INPP4B: variants seen among roughly 807,000 people sequenced by gnomAD.
INPP4B encodes the protein inositol polyphosphate 4-phosphatase type II.
INPP4B carries 55 observed loss-of-function variants against 122.5 expected under a neutral mutation model. That is an observed-to-expected ratio of 0.45 (90% CI 0.36 to 0.56). INPP4B has a LOEUF of 0.56. Among genes scored for constraint, INPP4B ranks in the 20% least tolerant of loss-of-function variants. The pLI is 0.00. For synonymous variants in INPP4B, 403 were observed against 388.7 expected (o/e 1.04, Z -0.43); for missense variants, 1,000 against 1,097.7 (o/e 0.91, Z 1.26).
intron 25 of INPP4B, among the ~76,000 whole-genome samples, chr4:142,068,167 G>T (rs1764742889): frequency 6.6e-6 from 1 of 152,212 alleles, no homozygotes; most frequent in South Asian, 2.1e-4. Flanking sequence ...AGAGAGTGGG[G>T]GCCAATATTC....
intron 1 of INPP4B, among the ~76,000 whole-genome samples, chr4:142,842,730 A>T (rs1440313693): frequency 7.6e-6 from 1 of 131,938 alleles, no homozygotes; most frequent in Non-Finnish European, 1.6e-5. Flanking sequence ...AATATATTAT[A>T]ATATTAATAT....
At chr4:142,335,066 G>T (rs961615522) in intron 7 of INPP4B, among the ~76,000 whole-genome samples, 2 of 130,992 alleles carry the variant, frequency 1.5e-5, no homozygotes, top group African/African-American at 2.9e-5. Context: ...CTATAACTCA[G>T]CAGGCTGCTT....
chr4:142,627,446 A>G (rs2150403647), intron 2 of INPP4B, among the ~76,000 whole-genome samples: 1 of 143,192 alleles, frequency 7.0e-6, no homozygotes, highest in East Asian at 2.0e-4. Flanking sequence ...TAATTTATTG[A>G]GAGTTTTTAG....
intron 2 of INPP4B, among the ~76,000 whole-genome samples, chr4:142,557,364 G>GA (rs1729438096): frequency 2.0e-5 from 3 of 152,290 alleles, no homozygotes; most frequent in East Asian, 3.9e-4. Context: ...ATGAAAGTCA[G>GA]ACTCACTGTA....
At chr4:142,739,490 T>G (rs1436464106) in intron 1 of INPP4B, among the ~76,000 whole-genome samples, 1 of 152,050 alleles carries the variant, frequency 6.6e-6, no homozygotes, top group Non-Finnish European at 1.5e-5. Context: ...ATCAGAGTTA[T>G]GTAAAATGAA....
At chr4:142,450,982 C>CA (rs1554056799) in intron 3 of INPP4B, among the ~76,000 whole-genome samples, 2 of 149,922 alleles carry the variant, frequency 1.3e-5, no homozygotes, top group Non-Finnish European at 2.9e-5. Flanking sequence ...AACTCCCCCC[C>CA]CCAAAAAAAG....
At chr4:142,322,860 G>T (rs1192034237) in intron 7 of INPP4B, among the ~76,000 whole-genome samples, 1 of 152,168 alleles carries the variant, frequency 6.6e-6, no homozygotes, top group Non-Finnish European at 1.5e-5. Context: ...AATTAAATCA[G>T]AATGTCCAAG....
At chr4:142,424,196 T>G (rs115088966) in intron 5 of INPP4B, among the ~76,000 whole-genome samples, 1 of 152,026 alleles carries the variant, frequency 6.6e-6, no homozygotes, top group African/African-American at 2.4e-5. Context: ...AAAATTTTTA[T>G]GCAATCCCTA....
At chr4:142,675,719 T>C (rs2150656639) in intron 2 of INPP4B, among the ~76,000 whole-genome samples, 1 of 152,154 alleles carries the variant, frequency 6.6e-6, no homozygotes, top group African/African-American at 2.4e-5. Flanking sequence ...GTGTAATCCA[T>C]CACATAAACA....
At position 142,160,556 on chromosome 4, in the gene INPP4B, C is replaced by T. The variant is rs1819609933; in HGVS notation, c.1365G>A (p.Glu455=). ...NSLKMLSEKT[E]LFVHAFKDQL... is the part of the protein sequence containing the mutation. ...GATCCTTGAAGGCATGTACAAAAAG[C>T]TCTGTCTGGAAAGAAATTGACAAGG... is the stretch of plus-strand genomic sequence containing the variant. The change falls in exon 17 of 26, where the codon GAG becomes GAA. Residue 455 remains glutamate, a synonymous_variant. Coordinates refer to ENST00000262992, the MANE Select transcript of INPP4B (RefSeq NM_001101669.3). 1.3e-6 allele frequency: 2 copies of T among 1,590,354 alleles called. No homozygotes were observed. The highest frequency in any genetic ancestry group is 1.7e-6 in the Non-Finnish European group (2 of 1,161,802).
intron 2 of INPP4B, among the ~76,000 whole-genome samples, chr4:142,504,581 A>C (rs2149834831): frequency 6.6e-6 from 1 of 152,316 alleles, no homozygotes; most frequent in South Asian, 2.1e-4. Flanking sequence ...ACAAAGACAA[A>C]ACCTTGTTAA....
chr4:142,119,229 A>T (rs1348623715), intron 21 of INPP4B, among the ~76,000 whole-genome samples: 1 of 152,140 alleles, frequency 6.6e-6, no homozygotes, highest in Non-Finnish European at 1.5e-5. Context: ...ATTGTGGAAG[A>T]CAGTGTGGCG....
intron 13 of INPP4B, 40 bp downstream of exon 13, chr4:142,208,856 T>G (rs1843653333): frequency 4.3e-6 from 6 of 1,405,726 alleles, no homozygotes; most frequent in Non-Finnish European, 4.8e-6. Context: ...ATGCAGGAAA[T>G]GCAATTCACT....
At chr4:142,633,493 T>G (rs1241802431) in intron 2 of INPP4B, among the ~76,000 whole-genome samples, 1 of 152,140 alleles carries the variant, frequency 6.6e-6, no homozygotes, top group Non-Finnish European at 1.5e-5. Context: ...CTGGACTATC[T>G]TAACACACTT....
At chr4:142,461,130 C>T (rs1386243332) in intron 3 of INPP4B, among the ~76,000 whole-genome samples, 3 of 152,100 alleles carry the variant, frequency 2.0e-5, no homozygotes, top group Admixed American at 2.0e-4. Context: ...CATGACTGCG[C>T]CACTGCAATC....
At chr4:142,383,148 C>T (rs1055449046) in intron 7 of INPP4B, among the ~76,000 whole-genome samples, 7 of 151,826 alleles carry the variant, frequency 4.6e-5, no homozygotes, top group Admixed American at 6.6e-5. Flanking sequence ...TTACTTGGTC[C>T]GAGTATAATT....
At chr4:142,529,393 C>T (rs1484411145) in intron 2 of INPP4B, among the ~76,000 whole-genome samples, 4 of 151,958 alleles carry the variant, frequency 2.6e-5, no homozygotes, top group African/African-American at 4.8e-5. Context: ...CAAATTGCAA[C>T]TGTTTGAATG....
chr4:142,253,803 T>G (rs570489981), intron 11 of INPP4B, among the ~76,000 whole-genome samples: 1 of 152,220 alleles, frequency 6.6e-6, no homozygotes, highest in South Asian at 2.1e-4. Context: ...TGCCCAGGCT[T>G]GCTTAGGTAA....
intron 2 of INPP4B, among the ~76,000 whole-genome samples, chr4:142,688,107 G>C (rs1759633741): frequency 6.6e-6 from 1 of 152,096 alleles, no homozygotes; most frequent in African/African-American, 2.4e-5. Context: ...GAAGGGGCCT[G>C]ACCCTTCCAT....
Sources: gnomAD v4.1 joint callset for allele counts (sites outside exome capture counted in the v4.1 genomes callset) on GRCh38, gnomAD v4.1.1 for gene constraint, MANE v1.5 for transcripts, NCBI Gene and HGNC (gene_info 2026-07-23, HGNC 2026-07-21) for gene names.